Variants in ACER3 observed in about 807,000 individuals in gnomAD.
ACER3 encodes the protein alkaline ceramidase 3, also known as alkCDase 3.
ACER3 carries 16 observed loss-of-function variants against 48.9 expected under a neutral mutation model. That is an observed-to-expected ratio of 0.33 (90% confidence interval 0.22 to 0.50). ACER3 has a LOEUF of 0.50. Ranked by LOEUF, ACER3 falls within the 20% of genes least tolerant of loss-of-function variation. ACER3 has a pLI of 0.98. For missense variants in ACER3, 227 were observed against 326.0 expected, an observed-to-expected ratio of 0.70 and a Z score of 2.34; for synonymous variants, 109 against 107.8, an observed-to-expected ratio of 1.01 and a Z score of -0.07.
In ACER3 at chr11:76,931,158, G is replaced by T. The variant is rs1946989585; in HGVS notation, c.214+4491G>T. On this transcript the variant is annotated intron_variant, in intron 2 of 10. Transcript: ENST00000532485. ...ATGAATCTGGGTGCTCCTGTATTGG[G>T]TGCATATATATTTAGGATAGTTAGC... Among the ~76,000 whole-genome samples, 5 of 136,402 alleles carry T rather than the reference G, an allele frequency of 3.7e-5. No homozygotes were observed. In the South Asian group the frequency reaches 7.5e-4, roughly 21 times the overall value. The allele number at this position is 136,402 out of a possible 152,430, so 89.5% of individuals were successfully genotyped here.
chr11:76,934,382 C>T (rs1237167292), intron 2 of ACER3, among the ~76,000 whole-genome samples: 2 of 152,230 alleles, frequency 1.3e-5, no homozygotes, highest in African/African-American at 4.8e-5. Context: ...CGCCACTGCA[C>T]TCCAGCCTGG....
chr11:77,018,145 G>A (rs1361421547), intron 9 of ACER3, among the ~76,000 whole-genome samples: 1 of 151,822 alleles, frequency 6.6e-6, no homozygotes, highest in African/African-American at 2.4e-5. Flanking sequence ...TCACCATGTT[G>A]GTCATACTGG....
In ACER3 at chr11:77,015,432, G is replaced by A. The variant is rs1949348143; in HGVS notation, c.599+315G>A. Among the ~76,000 whole-genome samples, 3 of 152,192 alleles carry A rather than the reference G, an allele frequency of 2.0e-5. No homozygotes were observed. The South Asian group carries it at 6.2e-4, about 32-fold the overall frequency. On this transcript the variant is annotated intron_variant, in intron 8 of 10. Coordinates refer to ENST00000532485, the MANE Select transcript of ACER3 (RefSeq NM_018367.7). ...CTGATCTGTTTCATTGAATAAAGAAGACTGATTTGTAATAAGCATATGAAA... is the reference window on the plus strand; with the variant it reads ...CTGATCTGTTTCATTGAATAAAGAAAACTGATTTGTAATAAGCATATGAAA...
intron 2 of ACER3, among the ~76,000 whole-genome samples, chr11:76,956,640 G>A (rs1488703640): frequency 6.7e-6 from 1 of 148,712 alleles, no homozygotes; most frequent in African/African-American, 2.5e-5. Flanking sequence ...AGTAAGGCAT[G>A]ATAAAGTGGC....
At chr11:76,902,495 T>C (rs1157046513) in intron 1 of ACER3, among the ~76,000 whole-genome samples, 1 of 152,250 alleles carries the variant, frequency 6.6e-6, no homozygotes, top group East Asian at 1.9e-4. Context: ...CAATGGTCTT[T>C]ACACTGGATT....
At chr11:76,934,218 A>G (rs1469709268) in intron 2 of ACER3, among the ~76,000 whole-genome samples, 1 of 150,630 alleles carries the variant, frequency 6.6e-6, no homozygotes, top group Non-Finnish European at 1.5e-5. Context: ...GCAGCCAGGC[A>G]GAGGGGCTCC....
chr11:76,861,721 G>A (rs1402457361), intron 1 of ACER3, among the ~76,000 whole-genome samples: 2 of 152,142 alleles, frequency 1.3e-5, no homozygotes, highest in African/African-American at 4.8e-5. Context: ...ACCAGGAGTC[G>A]AAGGCATCTT....
Position 76,889,151 on chromosome 11 carries a change from C to G in ACER3, c.103+28072C>G, listed in dbSNP as rs1407694961. Among the ~76,000 whole-genome samples the G allele has an allele frequency of 1.3e-5, 2 of 152,166 alleles. 1 individual carries two copies. On this transcript the variant is annotated intron_variant, in intron 1 of 10. Transcript: ENST00000532485. ...TTGTGTGGTCCAAGGCCTCATCTCT[C>G]ATTCCTGTGTGAGCACTGAAACCCA...
chr11:76,963,055 C>T (rs1948038298), intron 3 of ACER3, among the ~76,000 whole-genome samples: 1 of 151,320 alleles, frequency 6.6e-6, no homozygotes, highest in African/African-American at 2.5e-5. Context: ...ATCGCAGCTA[C>T]AGTGCACCTG....
At chr11:76,964,819 C>G (rs1948095820) in intron 3 of ACER3, among the ~76,000 whole-genome samples, 1 of 151,128 alleles carries the variant, frequency 6.6e-6, no homozygotes, top group Non-Finnish European at 1.5e-5. Flanking sequence ...CTGTACGTCA[C>G]CATCATCAAA....
intron 7 of ACER3, among the ~76,000 whole-genome samples, chr11:77,009,572 G>T (rs1396891981): frequency 6.6e-6 from 1 of 152,214 alleles, no homozygotes; most frequent in African/African-American, 2.4e-5. Context: ...TACTTTGGGA[G>T]ACTACAGTGG....
chr11:76,995,905 C>T (rs1948900134), intron 6 of ACER3, among the ~76,000 whole-genome samples: 1 of 152,164 alleles, frequency 6.6e-6, no homozygotes, highest in Non-Finnish European at 1.5e-5. Flanking sequence ...GCTGACAGTT[C>T]TGTTTCTTCA....
At chr11:76,984,366 A>G (rs1282281839) in intron 4 of ACER3, among the ~76,000 whole-genome samples, 1 of 152,240 alleles carries the variant, frequency 6.6e-6, no homozygotes, top group Non-Finnish European at 1.5e-5. Context: ...GTAAAAACTA[A>G]TATTTCACCT....
intron 1 of ACER3, among the ~76,000 whole-genome samples, chr11:76,886,544 C>T (rs182461500): frequency 1.3e-5 from 2 of 152,198 alleles, no homozygotes; most frequent in African/African-American, 4.8e-5. Context: ...AAATTGGAAA[C>T]GTTTTCATGA....
intron 3 of ACER3, among the ~76,000 whole-genome samples, chr11:76,974,334 G>A (rs1400073576): frequency 1.3e-5 from 2 of 152,162 alleles, no homozygotes; most frequent in African/African-American, 4.8e-5. Flanking sequence ...GATGCCATAT[G>A]GGTCATAGCA....
At chr11:76,912,287 A>G (rs1399971677) in intron 1 of ACER3, among the ~76,000 whole-genome samples, 1 of 152,020 alleles carries the variant, frequency 6.6e-6, no homozygotes, top group African/African-American at 2.4e-5. Context: ...GCATGACACA[A>G]TTTTTCCTTC....
At chr11:77,003,258 T>C (rs1417893327) in intron 7 of ACER3, among the ~76,000 whole-genome samples, 1 of 152,220 alleles carries the variant, frequency 6.6e-6, no homozygotes, top group Non-Finnish European at 1.5e-5. Flanking sequence ...CTTGCAGCTA[T>C]TCAAATGATT....
intron 4 of ACER3, among the ~76,000 whole-genome samples, chr11:76,976,904 GTATTA>G (rs1948457338): frequency 6.6e-6 from 1 of 152,092 alleles, no homozygotes; most frequent in Non-Finnish European, 1.5e-5. Flanking sequence ...TTCTCTTACT[GTATTA>G]TATTCTGTTT....
intron 3 of ACER3, among the ~76,000 whole-genome samples, chr11:76,975,247 G>T (rs1213486346): frequency 6.6e-6 from 1 of 152,054 alleles, no homozygotes; most frequent in Admixed American, 6.5e-5. Flanking sequence ...GGCAGTGACT[G>T]TGTCTTAAAA....
Sources: gnomAD v4.1 joint callset for allele counts (sites outside exome capture counted in the v4.1 genomes callset) on GRCh38, gnomAD v4.1.1 for gene constraint, MANE v1.5 for transcripts, NCBI Gene and HGNC (gene_info 2026-07-23, HGNC 2026-07-21) for gene names.